BEAN1: variants seen among roughly 807,000 people sequenced by gnomAD.
BEAN1 encodes protein BEAN1.
In BEAN1, 17 loss-of-function variants were observed where a neutral mutation model predicts 17.7. The ratio of observed to expected loss-of-function variants is 0.96; its 90% CI spans 0.66 to 1.44. The LOEUF is 1.44. BEAN1 is among the 40% of genes most tolerant of loss of function. The probability of loss-of-function intolerance (pLI) is 0.00; values close to 1 mark genes in which losing one functional copy is unlikely to be tolerated. For missense variants in BEAN1, 359 were observed against 374.1 expected (o/e 0.96, Z 0.33); for synonymous variants, 142 against 151.8 (o/e 0.94, Z 0.47).
intron 2 of BEAN1, among the ~76,000 whole-genome samples, chr16:66,462,817 G>T (rs755135126): frequency 6.6e-5 from 10 of 152,030 alleles, no homozygotes; most frequent in South Asian, 2.1e-4. Context: ...AAAAAGTCAG[G>T]ACAGATGGGA....
chr16:66,477,468 G>A, intron 3 of BEAN1, 92 bp from the exon 4 acceptor site: 1 of 1,311,100 alleles, frequency 7.6e-7, no homozygotes, highest in Non-Finnish European at 1.0e-6. Flanking sequence ...TGGGGAATCA[G>A]AGCCTCCATG....
chr16:66,474,622 G>GAGGAAGGGAGGA lies in BEAN1; in HGVS notation c.290-2935_290-2934insAAGGGAGGAAGG, dbSNP rs769347267. Among the ~76,000 whole-genome samples, 46 of 35,448 alleles carry GAGGAAGGGAGGA rather than the reference G, an allele frequency of 1.3e-3. 1 individual carries two copies. The highest frequency in any genetic ancestry group is 3.1e-3 in the East Asian group (3 of 970). The allele number at this position is 35,448 out of a possible 152,430, so 23.3% of individuals were successfully genotyped here. A position where few individuals can be genotyped will look rare whatever the true frequency, so the allele number is the denominator to read the frequency against. On this transcript the variant is annotated intron_variant, in intron 3 of 4. Coordinates refer to ENST00000536005, the MANE Select transcript of BEAN1 (RefSeq NM_001178020.3). ...GGAGGGAGAGAGGGAGGGAGGAAGG[G>GAGGAAGGGAGGA]AGGGAGGGAGGGAGGGAGGGAGGGA...
intron 2 of BEAN1, among the ~76,000 whole-genome samples, chr16:66,445,007 A>T (rs1260621981): frequency 6.6e-6 from 1 of 152,186 alleles, no homozygotes; most frequent in African/African-American, 2.4e-5. Flanking sequence ...TCGTTCAACA[A>T]ATATTTATTG....
chr16:66,442,967 G>C (rs1962315009), intron 2 of BEAN1, among the ~76,000 whole-genome samples: 1 of 152,148 alleles, frequency 6.6e-6, no homozygotes, highest in Non-Finnish European at 1.5e-5. Context: ...CAGAGACCTA[G>C]CTACCAATAG....
At position 66,456,401 on chromosome 16, in the gene BEAN1, C is replaced by A. The variant is rs372786841; in HGVS notation, c.26-13201C>A. Among the ~76,000 whole-genome samples, 3 of 152,282 alleles carry A rather than the reference C, an allele frequency of 2.0e-5. No individual in the cohort carries two copies. In the South Asian group the frequency reaches 6.2e-4, roughly 32 times the overall value. On this transcript the variant is annotated intron_variant, in intron 2 of 4. Transcript: ENST00000536005. ...CTAGCCGGTAGGTGGGCCCAGCCAG[C>A]CCCCCAGAATCTGCTTCTCAACCCA...
At position 66,480,679 on chromosome 16, in the gene BEAN1, G is replaced by A. The variant is rs1963951138; in HGVS notation, c.534G>A (p.Leu178=). The A allele has an allele frequency of 6.4e-7, 1 of 1,551,542 alleles. No homozygotes were observed. The highest frequency in any genetic ancestry group is 1.4e-5 in the African/African-American group (1 of 73,052). Residue 178 remains leucine, a synonymous_variant, in exon 5 of 5, where the codon CTG becomes CTA. Transcript: ENST00000536005. ...PYSLTDSCPT[L]DGTSDSGSGH... is the part of the protein sequence containing the mutation. Reference sequence around the variant, plus strand: ...CGCTGACTGATTCCTGCCCCACGCTGGATGGCACCTCCGACTCAGGCAGCG... The same window carrying A: ...CGCTGACTGATTCCTGCCCCACGCTAGATGGCACCTCCGACTCAGGCAGCG...
intron 1 of BEAN1, among the ~76,000 whole-genome samples, chr16:66,436,344 T>A (rs1201098199): frequency 6.8e-6 from 1 of 146,768 alleles, no homozygotes; most frequent in Non-Finnish European, 1.5e-5. Context: ...CTCGGCTCAC[T>A]GCAAGCTCCG....
intron 1 of BEAN1, 97 bp from the exon 2 acceptor site, chr16:66,437,498 G>A (rs1307440509): frequency 2.7e-5 from 19 of 698,352 alleles, no homozygotes; most frequent in East Asian, 8.3e-5. Context: ...ATCCTCTCCC[G>A]CAGAGGTTGA....
intron 1 of BEAN1, among the ~76,000 whole-genome samples, chr16:66,428,658 A>G (rs1473285565): frequency 5.3e-5 from 8 of 152,062 alleles, no homozygotes; most frequent in Non-Finnish European, 1.5e-5. Context: ...GGAGGATTAA[A>G]TGAGATGATG....
At position 66,480,670 on chromosome 16, in the gene BEAN1, C is replaced by A; in HGVS notation, c.525C>A (p.Cys175Ter). 2 of 1,551,662 alleles carry A rather than the reference C, an allele frequency of 1.3e-6. No homozygotes were observed. The highest frequency in any genetic ancestry group is 1.7e-6 in the Non-Finnish European group (2 of 1,146,944). ...APPPYSLTDS[C>*]PTLDGTSDSG... ...CACCCTACTCGCTGACTGATTCCTG[C>A]CCCACGCTGGATGGCACCTCCGACT... Residue 175 changes from cysteine (C) to a stop codon, truncating the protein, a stop_gained, in exon 5 of 5, where the codon TGC becomes TGA. Coordinates refer to ENST00000536005, the MANE Select transcript of BEAN1 (RefSeq NM_001178020.3). LOFTEE classifies it low-confidence loss of function (END_TRUNC).
At chr16:66,430,506 A>G (rs770391512) in intron 1 of BEAN1, among the ~76,000 whole-genome samples, 5 of 152,222 alleles carry the variant, frequency 3.3e-5, no homozygotes, top group Non-Finnish European at 2.9e-5. Flanking sequence ...TGTAATTTAG[A>G]TGATATGTAA....
chr16:66,486,703 A>G (rs1964094107), downstream of BEAN1, among the ~76,000 whole-genome samples: 1 of 152,184 alleles, frequency 6.6e-6, no homozygotes, highest in Admixed American at 6.5e-5. Context: ...TGGGTTCTGC[A>G]AAGAAAAGAG....
At chr16:66,453,394 G>C (rs935416876) in intron 2 of BEAN1, among the ~76,000 whole-genome samples, 1 of 151,478 alleles carries the variant, frequency 6.6e-6, no homozygotes, top group Non-Finnish European at 1.5e-5. Context: ...GAAGACAAAG[G>C]CTTCAAAAGG....
Position 66,434,658 on chromosome 16 carries a change from C to T in BEAN1, c.-82-2937C>T, listed in dbSNP as rs1237277092. On this transcript the variant is annotated intron_variant, in intron 1 of 4. Coordinates refer to ENST00000536005, the MANE Select transcript of BEAN1 (RefSeq NM_001178020.3). The surrounding 1 kb of genome is among the most constrained non-coding windows in gnomAD (Gnocchi z 4.3). ...GAGGCTGTGTTTAAAGTGCTGATGG[C>T]ATTGCAGGAGGCAGGGAGTGGCAGC... Among the ~76,000 whole-genome samples, 2 of 152,154 alleles carry T rather than the reference C, an allele frequency of 1.3e-5. No individual in the cohort carries two copies. The highest frequency in any genetic ancestry group is 2.9e-5 in the Non-Finnish European group (2 of 68,028).
At chr16:66,490,395 T>TAAATAAAATAAAATAAAATA (rs1964149173) in intron 4 of BEAN1, among the ~76,000 whole-genome samples, 1 of 15,570 alleles carries the variant, frequency 6.4e-5, no homozygotes, top group South Asian at 3.0e-3. Flanking sequence ...AGACTCTGTT[T>TAAATAAAATAAAATAAAATA]CAATAAAATA....
chr16:66,438,604 C>T (rs1962125719), intron 2 of BEAN1, among the ~76,000 whole-genome samples: 1 of 152,136 alleles, frequency 6.6e-6, no homozygotes. Flanking sequence ...TCTTGCCCGT[C>T]GGCAGTCTTC....
At chr16:66,493,416 T>A in exon 5 of BEAN1, 1 of 618,188 alleles carries the variant, frequency 1.6e-6, no homozygotes, top group South Asian at 1.9e-5. Context: ...CCCAACAGCC[T>A]CCCCAGTGGC....
intron 2 of BEAN1, among the ~76,000 whole-genome samples, chr16:66,440,123 C>CTTTT (rs386384954): frequency 5.8e-4 from 44 of 75,356 alleles, no homozygotes; most frequent in Non-Finnish European, 7.2e-4. Flanking sequence ...TTGGGTACTT[C>CTTTT]TTTTTTTTTT....
At chr16:66,495,014 C>T (rs1349798010), downstream of BEAN1, among the ~76,000 whole-genome samples, 1 of 152,186 alleles carries the variant, frequency 6.6e-6, no homozygotes, top group Non-Finnish European at 1.5e-5. Context: ...GTGAAGGTCC[C>T]TTCAGGGTGC....
Sources: gnomAD v4.1 joint callset for allele counts (sites outside exome capture counted in the v4.1 genomes callset) on GRCh38, gnomAD v4.1.1 for gene constraint, Gnocchi (gnomAD v3.1) non-coding constraint, MANE v1.5 for transcripts, NCBI Gene and HGNC (gene_info 2026-07-23, HGNC 2026-07-21) for gene names.